Variants in BAIAP2L1 observed in about 807,000 individuals in gnomAD.
BAIAP2L1 encodes the protein BAR/IMD domain-containing adapter protein 2-like 1.
A neutral mutation model predicts 66.3 loss-of-function variants in BAIAP2L1; 35 were observed. That is an observed-to-expected ratio of 0.53 (90% CI 0.40 to 0.70). The LOEUF is 0.70. BAIAP2L1 is among the 30% of genes least tolerant of loss of function. BAIAP2L1 has a pLI of 0.00. For missense variants in BAIAP2L1, 622 were observed against 656.9 expected (o/e 0.95, Z 0.58); for synonymous variants, 269 against 248.7 (o/e 1.08, Z -0.77).
At chr7:98,324,111 C>A (rs868868084) in intron 3 of BAIAP2L1, among the ~76,000 whole-genome samples, 1 of 152,226 alleles carries the variant, frequency 6.6e-6, no homozygotes, top group Non-Finnish European at 1.5e-5. Context: ...AAGAAACACA[C>A]CACTGTGCTG....
intron 3 of BAIAP2L1, among the ~76,000 whole-genome samples, chr7:98,322,360 G>A (rs1801273743): frequency 6.6e-6 from 1 of 152,074 alleles, no homozygotes; most frequent in South Asian, 2.1e-4. Context: ...ACGTCCCATT[G>A]GGCACACCTC....
chr7:98,366,943 G>A (rs920164227), intron 1 of BAIAP2L1, among the ~76,000 whole-genome samples: 2 of 152,096 alleles, frequency 1.3e-5, no homozygotes, highest in Non-Finnish European at 2.9e-5. Flanking sequence ...ACAGGCTGGC[G>A]TGCAGTGGCA....
chr7:98,308,880 T>C (rs182093902), intron 9 of BAIAP2L1: 485 of 153,006 alleles, frequency 3.2e-3, no homozygotes, highest in Non-Finnish European at 4.7e-3. Flanking sequence ...TGTCTCGCTA[T>C]GTTGCCCAGC....
chr7:98,373,610 C>T (rs1022021258), intron 1 of BAIAP2L1, among the ~76,000 whole-genome samples: 2 of 152,132 alleles, frequency 1.3e-5, no homozygotes, highest in African/African-American at 2.4e-5. Context: ...AATCATGATA[C>T]TTTCTAGCTC....
chr7:98,321,281 A>C (rs915969465), intron 3 of BAIAP2L1, among the ~76,000 whole-genome samples: 6 of 152,226 alleles, frequency 3.9e-5, no homozygotes, highest in African/African-American at 1.4e-4. Context: ...AGGAATAAAA[A>C]ATGATTTATT....
intron 5 of BAIAP2L1, 66 bp downstream of exon 5, chr7:98,319,992 G>C (rs143455892): frequency 3.8e-6 from 5 of 1,320,394 alleles, no homozygotes; most frequent in Non-Finnish European, 4.3e-6. Context: ...CAGTGGGAAC[G>C]AGTTCTCCCC....
chr7:98,343,248 T>TACACACACACACACACAC (rs57033582), intron 3 of BAIAP2L1, among the ~76,000 whole-genome samples: 4 of 128,592 alleles, frequency 3.1e-5, no homozygotes, highest in East Asian at 4.7e-4. Flanking sequence ...AAAAAAAAAA[T>TACACACACACACACACAC]ACACACACAC....
rs928762869 is a variant in BAIAP2L1 at position 98,292,276 on chromosome 7, G to A, written c.*1245C>T. 5 of 291,702 alleles carry A rather than the reference G, an allele frequency of 1.7e-5. No individual in the cohort carries two copies. Among genetic ancestry groups the A allele is most frequent in the Admixed American group, 1.4e-4 (3 of 21,606 alleles). 18.1% of individuals were successfully genotyped at this position (291,702 alleles called of 1,614,324 possible). On this transcript the variant is annotated 3_prime_UTR_variant, in exon 14 of 14. Coordinates refer to ENST00000005260, the MANE Select transcript of BAIAP2L1 (RefSeq NM_018842.5). The stretch of plus-strand genomic sequence containing the variant: ...ACACGGTGAGCGGCCGGGCTGGAGT[G>A]CAGCAGCATGATCTGGCTCACTGCA...
Position 98,373,134 on chromosome 7 carries a change from A to C in BAIAP2L1, c.52-10702T>G, listed in dbSNP as rs557091398. ...GGACTAACATCACCAATACTTGATC[A>C]CCTGCTCTTCCTTTAGGGAAAGTAT... is the stretch of plus-strand genomic sequence containing the variant. On this transcript the variant is annotated intron_variant, in intron 1 of 13. Transcript: ENST00000005260. 3.3e-4 allele frequency among the ~76,000 whole-genome samples: 50 copies of C among 152,314 alleles called. No homozygotes were observed. In the South Asian group the frequency reaches 5.0e-3, roughly 15 times the overall value.
At position 98,302,358 on chromosome 7, in the gene BAIAP2L1, T is replaced by G. The variant is rs149059663; in HGVS notation, c.1422+1838A>C. Among the ~76,000 whole-genome samples, 709 of 152,346 alleles carry G rather than the reference T, an allele frequency of 4.7e-3. 11 individuals carry two copies. Among genetic ancestry groups the G allele is most frequent in the African/African-American group, 0.016 (669 of 41,572 alleles). On this transcript the variant is annotated intron_variant, in intron 12 of 13. Transcript: ENST00000005260. ...CTTACAATGCCAGAGCTGTGATTTTTGGGGGCAAGATTCTTTTACCTTAAA... is the reference window on the plus strand; with the variant it reads ...CTTACAATGCCAGAGCTGTGATTTTGGGGGGCAAGATTCTTTTACCTTAAA...
At chr7:98,330,114 G>A (rs961139844) in intron 3 of BAIAP2L1, among the ~76,000 whole-genome samples, 2 of 152,012 alleles carry the variant, frequency 1.3e-5, no homozygotes, top group African/African-American at 2.4e-5. Flanking sequence ...TATCTGACAC[G>A]TCATGTTCAG....
At chr7:98,308,628 G>A in intron 9 of BAIAP2L1, 1 of 221,352 alleles carries the variant, frequency 4.5e-6, no homozygotes, top group Admixed American at 5.0e-5. Flanking sequence ...TTCAAACACA[G>A]GCTGATATTT....
chr7:98,327,238 G>A (rs934284245), intron 3 of BAIAP2L1, among the ~76,000 whole-genome samples: 1 of 152,056 alleles, frequency 6.6e-6, no homozygotes, highest in African/African-American at 2.4e-5. Flanking sequence ...GTGCACATCT[G>A]TAATTCCAGC....
chr7:98,395,856 C>T (rs1803194474), intron 1 of BAIAP2L1, among the ~76,000 whole-genome samples: 1 of 152,060 alleles, frequency 6.6e-6, no homozygotes, highest in Non-Finnish European at 1.5e-5. Flanking sequence ...CACAGTGAGA[C>T]ACCATCTCTA....
chr7:98,338,380 C>T (rs982859260), intron 3 of BAIAP2L1, among the ~76,000 whole-genome samples: 3 of 151,030 alleles, frequency 2.0e-5, no homozygotes, highest in African/African-American at 7.3e-5. Context: ...CGAGATTGCG[C>T]CACTGCACTC....
chr7:98,391,648 G>A (rs749959940), intron 1 of BAIAP2L1, among the ~76,000 whole-genome samples: 30 of 149,810 alleles, frequency 2.0e-4, no homozygotes, highest in African/African-American at 3.2e-4. Context: ...GGAGGTGGAC[G>A]TTGTGAGCCG....
At chr7:98,323,119 A>C (rs1801294126) in intron 3 of BAIAP2L1, 1 of 152,232 alleles carries the variant, frequency 6.6e-6, no homozygotes, top group South Asian at 2.1e-4. Flanking sequence ...CCCACTCCAC[A>C]TCCTTAGCAA....
At chr7:98,370,390 AAG>A (rs1554338850) in intron 1 of BAIAP2L1, among the ~76,000 whole-genome samples, 3 of 151,540 alleles carry the variant, frequency 2.0e-5, no homozygotes, top group Admixed American at 6.6e-5. Context: ...AAAAAAAAAA[AAG>A]ATTTGCAACT....
chr7:98,374,549 A>T (rs1483340893), intron 1 of BAIAP2L1, among the ~76,000 whole-genome samples: 1 of 152,148 alleles, frequency 6.6e-6, no homozygotes, highest in Non-Finnish European at 1.5e-5. Flanking sequence ...TGGTGAAAAA[A>T]AGTGAGATGA....
Sources: allele counts gnomAD v4.1 joint callset (sites outside exome capture counted in the v4.1 genomes callset), GRCh38; gene constraint gnomAD v4.1.1; transcripts MANE v1.5; gene names NCBI Gene and HGNC (gene_info 2026-07-23, HGNC 2026-07-21).